The following HDAC4 variants were observed in gnomAD, a reference collection of about 807,000 sequenced individuals.
HDAC4 encodes the protein histone deacetylase 4.
HDAC4 carries 16 observed loss-of-function variants against 135.1 expected under a neutral mutation model. The observed-to-expected ratio is 0.12, with a 90% confidence interval of 0.08 to 0.18. The LOEUF is 0.18. Ranked by LOEUF, HDAC4 falls within the 10% of genes least tolerant of loss-of-function variation. The pLI is 1.00. For missense variants in HDAC4, 1,143 were observed against 1,511.8 expected (o/e 0.76, Z 4.05); for synonymous variants, 685 against 653.4 (o/e 1.05, Z -0.74).
chr2:239,352,705 G>C lies in HDAC4; in HGVS notation c.-6C>G, dbSNP rs1693245582. The C allele has an allele frequency of 6.4e-7, 1 of 1,557,602 alleles. No homozygotes were observed. Among genetic ancestry groups the C allele is most frequent in the Non-Finnish European group, 8.7e-7 (1 of 1,149,494 alleles). ...GGATGGCTTTGGGAGCTCATTGCTA[G>C]CAATGTCCACTCCTTTAAGTGATTC... On this transcript the variant is annotated 5_prime_UTR_variant, in exon 2 of 27. Transcript: ENST00000543185. The surrounding 1 kb of genome is among the most constrained non-coding windows in gnomAD (Gnocchi z 4.4).
chr2:239,104,370 A>G (rs1173302574), intron 15 of HDAC4, among the ~76,000 whole-genome samples: 1 of 152,142 alleles, frequency 6.6e-6, no homozygotes, highest in East Asian at 1.9e-4. Flanking sequence ...CTGGGATTAT[A>G]GGTGCCCACC....
intron 1 of HDAC4, among the ~76,000 whole-genome samples, chr2:239,370,087 A>G (rs1353632835): frequency 6.6e-6 from 1 of 152,250 alleles, no homozygotes; most frequent in African/African-American, 2.4e-5. Context: ...ACAGGACGGC[A>G]GGCCGTCTGC....
chr2:239,219,458 G>A (rs975398178), intron 3 of HDAC4, among the ~76,000 whole-genome samples: 8 of 151,192 alleles, frequency 5.3e-5, no homozygotes, highest in South Asian at 4.2e-4. Context: ...ATCACACACC[G>A]GGGACTGTTG....
At chr2:239,357,900 AAAAAAAAAAAAAAAAAAG>A (rs1281937102) in intron 1 of HDAC4, among the ~76,000 whole-genome samples, 1 of 103,098 alleles carries the variant, frequency 9.7e-6, no homozygotes, top group Non-Finnish European at 2.1e-5. Flanking sequence ...AAAAAAAAAA[AAAAAAAAAAAAAAAAAAG>A]AGAGTGGGAA....
At chr2:239,327,512 C>T (rs926964543) in intron 2 of HDAC4, among the ~76,000 whole-genome samples, 12 of 152,242 alleles carry the variant, frequency 7.9e-5, no homozygotes, top group African/African-American at 2.9e-4. Flanking sequence ...TCGTAGACAG[C>T]CTGGACTTTT....
At chr2:239,387,070 C>T (rs1401713689) in intron 1 of HDAC4, among the ~76,000 whole-genome samples, 2 of 151,462 alleles carry the variant, frequency 1.3e-5, no homozygotes, top group Admixed American at 6.5e-5. Context: ...TGTGCGTGTC[C>T]GGGGAGCACG....
At position 239,268,842 on chromosome 2, in the gene HDAC4, T is replaced by C. The variant is rs367638120; in HGVS notation, c.23-32178A>G. ...TGTGCAGAAGCCTACCAGGGGACCT[T>C]AGGGCACCAGGTGGATGGTGCCAGG... On this transcript the variant is annotated intron_variant, in intron 2 of 26. Transcript: ENST00000543185. Among the ~76,000 whole-genome samples the C allele has an allele frequency of 1.2e-4, 18 of 152,284 alleles. 1 individual carries two copies. The East Asian group carries it at 3.3e-3, about 28-fold the overall frequency.
chr2:239,280,841 T>C, intron 2 of HDAC4, among the ~76,000 whole-genome samples: 2 of 140,916 alleles, frequency 1.4e-5, no homozygotes, highest in African/African-American at 5.6e-5. Flanking sequence ...TACACACCAC[T>C]CTCCACACAA....
chr2:239,336,464 C>T (rs1691946317), intron 2 of HDAC4, among the ~76,000 whole-genome samples: 1 of 152,090 alleles, frequency 6.6e-6, no homozygotes, highest in African/African-American at 2.4e-5. Context: ...AACTCCCTGT[C>T]CACCAACAAT....
intron 17 of HDAC4, chr2:239,094,109 G>T (rs191993784): frequency 1.1e-5 from 11 of 985,410 alleles, no homozygotes; most frequent in Non-Finnish European, 1.3e-5. Flanking sequence ...GGCTGCAGCG[G>T]CTCCTGCTGT....
intron 1 of HDAC4, among the ~76,000 whole-genome samples, chr2:239,389,390 C>T (rs531889165): frequency 1.3e-5 from 2 of 152,318 alleles, no homozygotes; most frequent in South Asian, 4.1e-4. Context: ...CAGCTTCATT[C>T]TTGAAGTCAG....
chr2:239,248,487 G>A (rs1241499276), intron 2 of HDAC4, among the ~76,000 whole-genome samples: 1 of 152,046 alleles, frequency 6.6e-6, no homozygotes, highest in East Asian at 1.9e-4. Flanking sequence ...GCCACCTCTA[G>A]CGCTTTTTAG....
chr2:239,071,955 A>T (rs1229929190), intron 22 of HDAC4, among the ~76,000 whole-genome samples: 1 of 152,198 alleles, frequency 6.6e-6, no homozygotes, highest in Non-Finnish European at 1.5e-5. Context: ...TCACAAATTG[A>T]TGTGGATGGT....
At chr2:239,079,847 C>T (rs1015037223) in intron 22 of HDAC4, among the ~76,000 whole-genome samples, 12 of 148,186 alleles carry the variant, frequency 8.1e-5, no homozygotes, top group Non-Finnish European at 1.6e-4. Flanking sequence ...GATATACACA[C>T]AAAGACATGT....
At chr2:239,267,009 A>C (rs1311396367) in intron 2 of HDAC4, among the ~76,000 whole-genome samples, 3 of 152,152 alleles carry the variant, frequency 2.0e-5, no homozygotes, top group East Asian at 1.9e-4. Context: ...TCCTGGGCAC[A>C]GTGGCTGTGC....
chr2:239,119,794 G>A (rs1575096079), intron 12 of HDAC4, among the ~76,000 whole-genome samples: 1 of 152,208 alleles, frequency 6.6e-6, no homozygotes, highest in South Asian at 2.1e-4. Context: ...GCATGGTCCT[G>A]CCTGTGCCAC....
In HDAC4 at chr2:239,352,306, C is replaced by G. The variant is rs1183866192; in HGVS notation, c.22+372G>C. On this transcript the variant is annotated intron_variant, in intron 2 of 26. Transcript: ENST00000543185. The surrounding 1 kb of genome is among the most constrained non-coding windows in gnomAD (Gnocchi z 4.4). The stretch of plus-strand genomic sequence containing the variant: ...CCAGACGCCCAGTTGGAGGAGCACT[C>G]CCACCCCTCACACAACCCCTCATGA... Among the ~76,000 whole-genome samples, 2 of 152,040 alleles carry G rather than the reference C, an allele frequency of 1.3e-5. No individual in the cohort carries two copies. The highest frequency in any genetic ancestry group is 2.9e-5 in the Non-Finnish European group (2 of 67,986).
At chr2:239,347,804 C>T (rs551943262) in intron 2 of HDAC4, among the ~76,000 whole-genome samples, 3 of 152,300 alleles carry the variant, frequency 2.0e-5, no homozygotes, top group Non-Finnish European at 2.9e-5. Context: ...TTTGAGCCAC[C>T]GCACCCGGCC....
At chr2:239,111,445 G>T in intron 14 of HDAC4, 81 bp downstream of exon 14, 2 of 1,397,620 alleles carry the variant, frequency 1.4e-6, no homozygotes, top group Non-Finnish European at 2.0e-6. Context: ...CCTCTGCAGA[G>T]CTGGGCCGGG....
Sources: allele counts gnomAD v4.1 joint callset (sites outside exome capture counted in the v4.1 genomes callset), GRCh38; gene constraint gnomAD v4.1.1; non-coding constraint Gnocchi (gnomAD v3.1); transcripts MANE v1.5; gene names NCBI Gene and HGNC (gene_info 2026-07-23, HGNC 2026-07-21).